Variants in ARHGAP24 observed in about 807,000 individuals in gnomAD.
ARHGAP24 encodes the protein Rho GTPase activating protein 24.
A neutral mutation model predicts 76.4 loss-of-function variants in ARHGAP24; 50 were observed. The observed-to-expected ratio is 0.65, with a 90% confidence interval of 0.52 to 0.83. The LOEUF is 0.83. Ranked by LOEUF, ARHGAP24 falls within the 40% of genes least tolerant of loss-of-function variation. The pLI is 0.00. For missense variants in ARHGAP24, 930 were observed against 914.2 expected (o/e 1.02, Z -0.22); for synonymous variants, 345 against 323.3 (o/e 1.07, Z -0.72).
chr4:85,726,114 C>T (rs1465657478), intron 3 of ARHGAP24, among the ~76,000 whole-genome samples: 1 of 152,118 alleles, frequency 6.6e-6, no homozygotes, highest in Non-Finnish European at 1.5e-5. Flanking sequence ...TCAAAACAGT[C>T]AGGGCCATTT....
At chr4:85,909,297 G>T (rs967297904) in intron 3 of ARHGAP24, among the ~76,000 whole-genome samples, 5 of 151,228 alleles carry the variant, frequency 3.3e-5, no homozygotes, top group South Asian at 2.1e-4. Context: ...GTTTTCTTTT[G>T]TTTTGTTTTT....
At chr4:85,972,862 T>G (rs1366021073) in intron 6 of ARHGAP24, among the ~76,000 whole-genome samples, 1 of 152,192 alleles carries the variant, frequency 6.6e-6, no homozygotes, top group Non-Finnish European at 1.5e-5. Context: ...TGTGCACGAT[T>G]GGCTTCTTTC....
chr4:85,525,340 C>T (rs1208061162), intron 1 of ARHGAP24, among the ~76,000 whole-genome samples: 1 of 144,762 alleles, frequency 6.9e-6, no homozygotes, highest in East Asian at 2.2e-4. Context: ...TCTAGCTCAA[C>T]TTTTACAAAT....
intron 3 of ARHGAP24, among the ~76,000 whole-genome samples, chr4:85,777,503 C>A (rs1727350802): frequency 6.6e-6 from 1 of 152,042 alleles, no homozygotes; most frequent in Non-Finnish European, 1.5e-5. Context: ...CAGTGTGGGC[C>A]ACTTCATATT....
At chr4:85,983,490 T>C (rs986375574) in intron 8 of ARHGAP24, among the ~76,000 whole-genome samples, 1 of 152,148 alleles carries the variant, frequency 6.6e-6, no homozygotes, top group Non-Finnish European at 1.5e-5. Context: ...AGATGGCATC[T>C]CATTGGAACT....
chr4:85,866,314 C>T (rs778036971), intron 3 of ARHGAP24, among the ~76,000 whole-genome samples: 4 of 152,012 alleles, frequency 2.6e-5, no homozygotes, highest in Admixed American at 1.3e-4. Flanking sequence ...CGTCTCTAAC[C>T]GACAGCAAGT....
intron 2 of ARHGAP24, among the ~76,000 whole-genome samples, chr4:85,677,969 G>A (rs1723045444): frequency 6.6e-6 from 1 of 152,026 alleles, no homozygotes; most frequent in Admixed American, 6.6e-5. Context: ...GAGTCCAGGA[G>A]TTCGAGGATG....
chr4:85,850,445 C>T (rs943250911), intron 3 of ARHGAP24, among the ~76,000 whole-genome samples: 5 of 152,156 alleles, frequency 3.3e-5, no homozygotes, highest in Non-Finnish European at 5.9e-5. Flanking sequence ...GTGTCTCTAT[C>T]TCCTTCAGTT....
chr4:85,566,032 A>G (rs1195241980), intron 1 of ARHGAP24, among the ~76,000 whole-genome samples: 2 of 152,304 alleles, frequency 1.3e-5, no homozygotes, highest in Non-Finnish European at 1.5e-5. Flanking sequence ...AAGCCCATCA[A>G]ATGCTGAGAA....
chr4:85,753,960 A>C (rs2110068334), intron 3 of ARHGAP24, among the ~76,000 whole-genome samples: 1 of 152,316 alleles, frequency 6.6e-6, no homozygotes, highest in East Asian at 1.9e-4. Flanking sequence ...ATATACAATA[A>C]AATGTTGTTA....
intron 6 of ARHGAP24, among the ~76,000 whole-genome samples, chr4:85,973,903 C>T (rs868357405): frequency 1.3e-3 from 163 of 127,602 alleles, no homozygotes; most frequent in African/African-American, 2.8e-3. Context: ...AGTGCAGTGG[C>T]GGGATCTTGG....
chr4:85,745,592 T>TAAA (rs10626605), intron 3 of ARHGAP24, among the ~76,000 whole-genome samples: 29 of 143,668 alleles, frequency 2.0e-4, no homozygotes, highest in East Asian at 8.1e-4. Flanking sequence ...CCTTATCTCT[T>TAAA]AAAAAAAAAA....
At chr4:85,914,791 A>G (rs1409708982) in intron 3 of ARHGAP24, among the ~76,000 whole-genome samples, 1 of 152,198 alleles carries the variant, frequency 6.6e-6, no homozygotes, top group Non-Finnish European at 1.5e-5. Context: ...TCTTGCTCCT[A>G]AAGAAGTGGT....
chr4:85,995,182 A>AC lies in ARHGAP24; in HGVS notation c.1531dup (p.Leu511ProfsTer4). ...GAGCTGGCTGCCAAATGGCTATGTGACCCTGAGGGATAACAAGCAGAAAGA... is the reference window on the plus strand; with the variant it reads ...GAGCTGGCTGCCAAATGGCTATGTGACCCCTGAGGGATAACAAGCAGAAAGA... On this transcript the variant is annotated frameshift_variant, in exon 9 of 10. Transcript: ENST00000395184. LOFTEE classifies it high-confidence loss of function. 1 of 1,614,016 alleles carries AC rather than the reference A, an allele frequency of 6.2e-7. No homozygotes were observed.
chr4:85,960,924 A>G (rs1214830899), intron 5 of ARHGAP24, among the ~76,000 whole-genome samples: 16 of 152,120 alleles, frequency 1.1e-4, no homozygotes, highest in Non-Finnish European at 1.5e-5. Flanking sequence ...TCGATGCACT[A>G]TACTTCCAAA....
At chr4:85,981,106 A>G (rs1739637128) in intron 8 of ARHGAP24, among the ~76,000 whole-genome samples, 1 of 152,192 alleles carries the variant, frequency 6.6e-6, no homozygotes. Context: ...TGCTCCCTCT[A>G]AAAGTAACAC....
chr4:85,612,792 C>CTTTTTTTTTTTTTT (rs70948739), intron 2 of ARHGAP24, among the ~76,000 whole-genome samples: 4 of 82,774 alleles, frequency 4.8e-5, no homozygotes, highest in Non-Finnish European at 6.5e-5. Context: ...CTTTCCATTC[C>CTTTTTTTTTTTTTT]TTTTTTTTTT....
chr4:85,693,111 G>A (rs1356328615), intron 2 of ARHGAP24, among the ~76,000 whole-genome samples: 1 of 152,166 alleles, frequency 6.6e-6, no homozygotes, highest in African/African-American at 2.4e-5. Context: ...CCAGTAGATG[G>A]CAATTAAGAG....
intron 3 of ARHGAP24, among the ~76,000 whole-genome samples, chr4:85,738,974 A>G (rs1243158982): frequency 1.3e-5 from 2 of 152,162 alleles, no homozygotes; most frequent in African/African-American, 2.4e-5. Context: ...CCTGCTGTCT[A>G]TTTTAGCTGG....
Sources: gnomAD v4.1 joint callset for allele counts (sites outside exome capture counted in the v4.1 genomes callset) on GRCh38, gnomAD v4.1.1 for gene constraint, MANE v1.5 for transcripts, NCBI Gene and HGNC (gene_info 2026-07-23, HGNC 2026-07-21) for gene names.